Variants in CHD6 observed in about 807,000 individuals in gnomAD.
The protein encoded by CHD6 is chromodomain helicase DNA binding protein 6.
A neutral mutation model predicts 276.9 loss-of-function variants in CHD6; 50 were observed. The ratio of observed to expected loss-of-function variants is 0.18; its 90% CI spans 0.14 to 0.23. CHD6 has a LOEUF of 0.23. CHD6 is among the 10% of genes least tolerant of loss of function. The pLI is 1.00. For synonymous variants in CHD6, 1,173 were observed against 1,229.3 expected (o/e 0.95, Z 0.96); for missense variants, 2,564 against 3,365.8 (o/e 0.76, Z 5.89).
At chr20:41,443,772 T>C (rs1226735636) in intron 25 of CHD6, among the ~76,000 whole-genome samples, 1 of 152,214 alleles carries the variant, frequency 6.6e-6, no homozygotes, top group African/African-American at 2.4e-5. Flanking sequence ...AGTCATGTTT[T>C]CCATTTCTGT....
chr20:41,564,156 A>C (rs1431530754), intron 1 of CHD6: 2 of 736,760 alleles, frequency 2.7e-6, no homozygotes, highest in Admixed American at 4.0e-5. Context: ...CATGGGCTAA[A>C]AACAAAAAGT....
chr20:41,434,331 T>C (rs978052458), intron 27 of CHD6, among the ~76,000 whole-genome samples: 2 of 152,336 alleles, frequency 1.3e-5, no homozygotes, highest in East Asian at 1.9e-4. Flanking sequence ...AAAGACATTA[T>C]ATAGTGATAA....
rs566862781 is a variant in CHD6, at chr20:41,614,114, A to G, written c.-24+4226T>C. Among the ~76,000 whole-genome samples the G allele has an allele frequency of 6.6e-5, 10 of 152,326 alleles. No individual in the cohort carries two copies. The South Asian group carries it at 1.7e-3, about 25-fold the overall frequency. ...TACTTGATAAAGAATAACATATTTGATCCATAAAATGCGATCAGCGACTAT... is the reference window on the plus strand; with the variant it reads ...TACTTGATAAAGAATAACATATTTGGTCCATAAAATGCGATCAGCGACTAT... On this transcript the variant is annotated intron_variant, in intron 1 of 36. Coordinates refer to ENST00000373233, the MANE Select transcript of CHD6 (RefSeq NM_032221.5).
At chr20:41,433,154 G>A (rs1250497355) in intron 27 of CHD6, among the ~76,000 whole-genome samples, 1 of 151,988 alleles carries the variant, frequency 6.6e-6, no homozygotes, top group Non-Finnish European at 1.5e-5. Context: ...CATTTTATTG[G>A]TTTCCCAGAA....
chr20:41,564,616 ACT>A (rs1372859317), intron 1 of CHD6, among the ~76,000 whole-genome samples: 1 of 152,166 alleles, frequency 6.6e-6, no homozygotes, highest in East Asian at 1.9e-4. Flanking sequence ...ATTTGCTGAA[ACT>A]CAAAGAATTC....
intron 17 of CHD6, among the ~76,000 whole-genome samples, chr20:41,457,897 C>G (rs1191577851): frequency 6.6e-6 from 1 of 152,190 alleles, no homozygotes; most frequent in Non-Finnish European, 1.5e-5. Flanking sequence ...TTACCACACT[C>G]CACCCTCCCA....
At chr20:41,592,277 C>G (rs368560433) in intron 1 of CHD6, among the ~76,000 whole-genome samples, 1 of 151,904 alleles carries the variant, frequency 6.6e-6, no homozygotes, top group Non-Finnish European at 1.5e-5. Flanking sequence ...AAAAAAAGGA[C>G]ATGAACCACA....
chr20:41,493,619 C>A lies in CHD6; in HGVS notation c.1233G>T (p.Thr411=). 3 of 1,613,796 alleles carry A rather than the reference C, an allele frequency of 1.9e-6. No individual in the cohort carries two copies. Among genetic ancestry groups the A allele is most frequent in the South Asian group, 1.1e-5 (1 of 91,072 alleles). Residue 411 remains threonine (T), a synonymous_variant, in exon 10 of 37, where the codon ACG becomes ACT. Transcript: ENST00000373233. ...KWCSLPYEES[T]WELEEDVDPA... ...GATCTACATCTTCCTCTAGCTCCCA[C>A]GTGCTTTCTTCATATGGTAGTGAGC...
In CHD6 at chr20:41,537,251, C is replaced by A. The variant is rs566295182; in HGVS notation, c.34-3681G>T. Among the ~76,000 whole-genome samples the A allele has an allele frequency of 2.0e-5, 3 of 152,172 alleles. No individual in the cohort carries two copies. The South Asian group carries it at 6.2e-4, about 32-fold the overall frequency. On this transcript the variant is annotated intron_variant, in intron 2 of 36. Coordinates refer to ENST00000373233, the MANE Select transcript of CHD6 (RefSeq NM_032221.5). ...TGGCCCTCTAAATCCATGGGTTCTGCATCTATGGAGTCAACCGAGGATTGA... is the reference window on the plus strand; with the variant it reads ...TGGCCCTCTAAATCCATGGGTTCTGAATCTATGGAGTCAACCGAGGATTGA...
intron 1 of CHD6, among the ~76,000 whole-genome samples, chr20:41,578,687 C>T (rs529178845): frequency 1.1e-4 from 13 of 116,718 alleles, no homozygotes; most frequent in Admixed American, 4.3e-4. Flanking sequence ...AGTGAGACTC[C>T]GTCTCAAAAA....
chr20:41,462,604 G>A (rs2042827077), intron 17 of CHD6, among the ~76,000 whole-genome samples: 1 of 152,102 alleles, frequency 6.6e-6, no homozygotes, highest in Non-Finnish European at 1.5e-5. Flanking sequence ...ATGGAAAGGA[G>A]GAAAACTAAA....
At chr20:41,513,634 C>T (rs1337259715) in intron 4 of CHD6, among the ~76,000 whole-genome samples, 1 of 152,098 alleles carries the variant, frequency 6.6e-6, no homozygotes, top group African/African-American at 2.4e-5. Flanking sequence ...TAATAATCAA[C>T]AACAAAACAG....
intron 16 of CHD6, among the ~76,000 whole-genome samples, chr20:41,476,199 T>C (rs191148622): frequency 8.5e-5 from 13 of 152,206 alleles, no homozygotes; most frequent in African/African-American, 2.6e-4. Flanking sequence ...TCAGACATCA[T>C]AAAATTTTCC....
chr20:41,534,480 C>G (rs1350035544), intron 2 of CHD6, among the ~76,000 whole-genome samples: 2 of 152,078 alleles, frequency 1.3e-5, no homozygotes, highest in East Asian at 3.9e-4. Context: ...GCTGCATATT[C>G]CCCCTTCTGT....
At chr20:41,507,639 A>T (rs577748405) in intron 5 of CHD6, among the ~76,000 whole-genome samples, 50 of 152,332 alleles carry the variant, frequency 3.3e-4, no homozygotes, top group South Asian at 2.1e-3. Context: ...ATACACACAG[A>T]TATAAACTAA....
chr20:41,422,158 G>A, intron 30 of CHD6, 79 bp from the exon 31 acceptor site: 1 of 1,454,654 alleles, frequency 6.9e-7, no homozygotes, highest in Non-Finnish European at 9.2e-7. Context: ...CTGCATCTTT[G>A]GTCTTGGAGT....
At chr20:41,588,788 T>C (rs2045623813) in intron 1 of CHD6, among the ~76,000 whole-genome samples, 1 of 152,196 alleles carries the variant, frequency 6.6e-6, no homozygotes, top group Admixed American at 6.5e-5. Flanking sequence ...TGCAATGTCA[T>C]CTAAGGACCC....
chr20:41,524,059 G>C (rs1346673653), intron 3 of CHD6, among the ~76,000 whole-genome samples: 1 of 152,122 alleles, frequency 6.6e-6, no homozygotes, highest in Non-Finnish European at 1.5e-5. Context: ...AGTCTCAGAA[G>C]TCCAGTCCAG....
rs141732877 is a variant in CHD6, at chr20:41,498,250, T to C, written c.916-24A>G. 319 of 1,587,656 alleles carry C rather than the reference T, an allele frequency of 2.0e-4. No individual in the cohort carries two copies. The East Asian group carries it at 6.9e-3, about 35-fold the overall frequency. On this transcript the variant is annotated intron_variant, in intron 6 of 36. Coordinates refer to ENST00000373233, the MANE Select transcript of CHD6 (RefSeq NM_032221.5). Reference sequence around the variant, plus strand: ...ACCTGTAACAAACAGCAAGCAGTTATCAGCCCAGATCCCAGGCAGATCACC... The same window carrying C: ...ACCTGTAACAAACAGCAAGCAGTTACCAGCCCAGATCCCAGGCAGATCACC...
Sources: allele counts gnomAD v4.1 joint callset (sites outside exome capture counted in the v4.1 genomes callset), GRCh38; gene constraint gnomAD v4.1.1; transcripts MANE v1.5; gene names NCBI Gene and HGNC (gene_info 2026-07-23, HGNC 2026-07-21).